COL27A1: variants seen among roughly 807,000 people sequenced by gnomAD.
COL27A1 encodes collagen alpha-1(XXVII) chain.
A neutral mutation model predicts 251.3 loss-of-function variants in COL27A1; 106 were observed. The ratio of observed to expected loss-of-function variants is 0.42; its 90% CI spans 0.36 to 0.50. The LOEUF is 0.50. Ranked by LOEUF, COL27A1 falls within the 20% of genes least tolerant of loss-of-function variation. The probability of loss-of-function intolerance (pLI) is 0.00; values close to 1 mark genes in which losing one functional copy is unlikely to be tolerated. For synonymous variants in COL27A1, 1,000 were observed against 986.3 expected, an observed-to-expected ratio of 1.01 and a Z score of -0.26; for missense variants, 2,325 against 2,522.8, an observed-to-expected ratio of 0.92 and a Z score of 1.68.
intron 7 of COL27A1, among the ~76,000 whole-genome samples, chr9:114,197,825 A>G (rs1465033548): frequency 2.0e-5 from 3 of 152,220 alleles, no homozygotes; most frequent in Non-Finnish European, 4.4e-5. Flanking sequence ...CATGCACAGA[A>G]GAGTTTCGTC....
chr9:114,170,710 T>C (rs1189900430), intron 3 of COL27A1, among the ~76,000 whole-genome samples: 1 of 152,264 alleles, frequency 6.6e-6, no homozygotes, highest in Non-Finnish European at 1.5e-5. Context: ...GTCAACGTTC[T>C]GCTCAAGTTC....
Position 114,290,022 on chromosome 9 carries a change from C to A in COL27A1, c.4207-36C>A. ...AGCCCCTAGGGTCCCACACCTCTAC[C>A]AGGCAGCCTCCATCATGTGGCCCTT... is the stretch of plus-strand genomic sequence containing the variant. On this transcript the variant is annotated intron_variant, in intron 45 of 60. Coordinates refer to ENST00000356083, the MANE Select transcript of COL27A1 (RefSeq NM_032888.4). This position sits in a 1 kb window ranked among gnomAD's most constrained non-coding sequence, Gnocchi z 4.6. 6.2e-7 allele frequency: 1 copy of A among 1,610,516 alleles called. No homozygotes were observed. Among genetic ancestry groups the A allele is most frequent in the Non-Finnish European group, 8.5e-7 (1 of 1,179,080 alleles).
chr9:114,223,205 C>A (rs1831236115), intron 14 of COL27A1, among the ~76,000 whole-genome samples: 1 of 152,202 alleles, frequency 6.6e-6, no homozygotes, highest in African/African-American at 2.4e-5. Context: ...CTGATGCCCC[C>A]TCCGCCCTGT....
At chr9:114,306,709 G>T (rs1220387894) in intron 58 of COL27A1, 21 bp downstream of exon 58, 1 of 1,607,658 alleles carries the variant, frequency 6.2e-7, no homozygotes, top group Admixed American at 1.7e-5. Flanking sequence ...TTCCTGCCGG[G>T]GGTGGGTGCG....
rs768026947 is a variant in COL27A1, at chr9:114,267,598, C to G, written c.3501+41C>G. 4 of 1,565,982 alleles carry G rather than the reference C, an allele frequency of 2.6e-6. No individual in the cohort carries two copies. The South Asian group carries it at 4.6e-5, about 18-fold the overall frequency. Reference sequence around the variant, plus strand: ...AGAAGAGAAAAATGACTTGTTGAAACCAGCTCCCAGATGGTGGCCACATCC... The same window carrying G: ...AGAAGAGAAAAATGACTTGTTGAAAGCAGCTCCCAGATGGTGGCCACATCC... On this transcript the variant is annotated intron_variant, in intron 34 of 60. Coordinates refer to ENST00000356083, the MANE Select transcript of COL27A1 (RefSeq NM_032888.4).
intron 1 of COL27A1, among the ~76,000 whole-genome samples, chr9:114,158,089 T>G (rs2134994174): frequency 6.6e-6 from 1 of 152,298 alleles, no homozygotes; most frequent in East Asian, 1.9e-4. Context: ...GGCATAGCCG[T>G]CTGGGCACAG....
chr9:114,234,969 C>A (rs555780996), intron 16 of COL27A1, among the ~76,000 whole-genome samples: 1 of 147,938 alleles, frequency 6.8e-6, no homozygotes, highest in Non-Finnish European at 1.5e-5. Flanking sequence ...GTCCCAGCTA[C>A]TGGGGAGGCT....
chr9:114,218,945 T>G (rs1228242056), intron 12 of COL27A1, among the ~76,000 whole-genome samples: 1 of 82,120 alleles, frequency 1.2e-5, no homozygotes, highest in Non-Finnish European at 2.9e-5. Context: ...GGAAAACATG[T>G]GCTTTGTTTT....
chr9:114,174,314 G>C (rs1396560900), intron 3 of COL27A1, among the ~76,000 whole-genome samples: 1 of 152,092 alleles, frequency 6.6e-6, no homozygotes, highest in Non-Finnish European at 1.5e-5. Context: ...AAACACAAGG[G>C]GCCTGGAAAC....
In COL27A1 at chr9:114,292,119, C is replaced by T. The variant is rs756804678; in HGVS notation, c.4493C>T (p.Pro1498Leu). The change falls in exon 49 of 61, where the codon CCC (proline) becomes CTC (leucine). Residue 1498 changes from proline (P) to leucine (L), a missense_variant. By Grantham distance (98) the Pro-to-Leu change is moderately conservative. Transcript: ENST00000356083. Reference protein sequence around the residue: ...PPGFKGESGLPGQLGPPGKRG... With the variant: ...PPGFKGESGLLGQLGPPGKRG... ...TTCTTTAAGGGTGAGAGTGGGTTAC[C>T]CGGACAGCTGGGTCCCCCTGGCAAG... 5.1e-6 allele frequency: 8 copies of T among 1,558,172 alleles called. No individual in the cohort carries two copies. The Admixed American group carries it at 1.5e-4, about 30-fold the overall frequency.
chr9:114,186,155 C>T (rs1361018422), intron 5 of COL27A1, among the ~76,000 whole-genome samples: 4 of 152,256 alleles, frequency 2.6e-5, no homozygotes, highest in Non-Finnish European at 5.9e-5. Context: ...CTTCCTCCTC[C>T]AGAGTCCAAG....
At chr9:114,209,493 C>T (rs751085413) in intron 10 of COL27A1, 182 bp from the exon 11 acceptor site, 1 of 780,126 alleles carries the variant, frequency 1.3e-6, no homozygotes, top group East Asian at 2.4e-5. Context: ...CCATGCAGTC[C>T]ATGGGCATAT....
chr9:114,174,900 T>G (rs1290294413), intron 3 of COL27A1, among the ~76,000 whole-genome samples: 1 of 152,154 alleles, frequency 6.6e-6, no homozygotes, highest in Non-Finnish European at 1.5e-5. Context: ...TGAGGCCCCC[T>G]ATCTACCCCC....
chr9:114,288,467 G>T lies in COL27A1; in HGVS notation c.4000G>T (p.Glu1334Ter). Residue 1334 changes from glutamate (E) to a stop codon, truncating the protein, a stop_gained, in exon 42 of 61, where the codon GAG (glutamate) becomes TAG (stop). Coordinates refer to ENST00000356083, the MANE Select transcript of COL27A1 (RefSeq NM_032888.4). LOFTEE classifies it high-confidence loss of function. ...GPKGEKGEQG[E>*]DGKAEGPPGP... is the part of the protein sequence containing the mutation. The stretch of plus-strand genomic sequence containing the variant: ...TCTGTGTCCACAGGGGGAGCAGGGC[G>T]AGGACGGCAAGGCTGAGGGGCCCCC... 6.2e-7 allele frequency: 1 copy of T among 1,610,310 alleles called. No homozygotes were observed. Among genetic ancestry groups the T allele is most frequent in the Non-Finnish European group, 8.5e-7 (1 of 1,179,016 alleles).
intron 10 of COL27A1, 117 bp downstream of exon 10, chr9:114,206,413 A>T (rs1478694848): frequency 9.8e-7 from 1 of 1,023,744 alleles, no homozygotes; most frequent in African/African-American, 1.6e-5. Context: ...CTCCCACTTG[A>T]GTGCTCCCGG....
Position 114,307,768 on chromosome 9 carries a change from C to A in COL27A1, c.5207C>A (p.Thr1736Lys). The part of the protein sequence containing the change: ...HGGQTCLKPI[T>K]ASKVEFAISR... ...GGACAGACGTGTCTCAAGCCCATCA[C>A]GGCCTCCAAGGTACCCATCAGCTCC... The change falls in exon 59 of 61, where the codon ACG becomes AAG. Residue 1736 changes from threonine (T) to lysine (K), a missense_variant. Around this residue, in one of 4 missense-constraint regions of COL27A1, gnomAD observed 327 missense variants for 442.8 expected, o/e 0.74. Coordinates refer to ENST00000356083, the MANE Select transcript of COL27A1 (RefSeq NM_032888.4). The A allele has an allele frequency of 6.2e-7, 1 of 1,612,992 alleles. No individual in the cohort carries two copies. Among genetic ancestry groups the A allele is most frequent in the Non-Finnish European group, 8.5e-7 (1 of 1,179,172 alleles).
intron 6 of COL27A1, 93 bp from the exon 7 acceptor site, chr9:114,195,866 A>G: frequency 2.0e-6 from 2 of 992,262 alleles, no homozygotes; most frequent in Non-Finnish European, 3.3e-6. Context: ...GGAAACAACC[A>G]GCCATTGGAA....
intron 12 of COL27A1, among the ~76,000 whole-genome samples, chr9:114,212,441 T>C (rs10119751): frequency 0.013 from 2,024 of 152,328 alleles, 48 homozygotes; most frequent in African/African-American, 0.045. Flanking sequence ...CCCACTCTCT[T>C]GGGGCAGACA....
intron 48 of COL27A1, 141 bp from the exon 49 acceptor site, chr9:114,291,962 C>T (rs532158615): frequency 1.4e-6 from 1 of 729,620 alleles, no homozygotes; most frequent in Non-Finnish European, 2.4e-6. Flanking sequence ...CCCCACCAGG[C>T]CTCCATTTGT....
Sources: gnomAD v4.1 joint callset for allele counts (sites outside exome capture counted in the v4.1 genomes callset) on GRCh38, gnomAD v4.1.1 for gene constraint, gnomAD v4.1.1 regional missense constraint, Gnocchi (gnomAD v3.1) non-coding constraint, MANE v1.5 for transcripts, NCBI Gene and HGNC (gene_info 2026-07-23, HGNC 2026-07-21) for gene names.